PRSS23: variants seen among roughly 807,000 people sequenced by gnomAD.
PRSS23 encodes serine protease 23.
In PRSS23, 25 loss-of-function variants were observed where a neutral mutation model predicts 34.7. That is an observed-to-expected ratio of 0.72 (90% confidence interval 0.53 to 1.01). The LOEUF is 1.01. PRSS23 is among the 50% of genes least tolerant of loss of function. The probability of loss-of-function intolerance (pLI) is 0.00; values close to 1 mark genes in which losing one functional copy is unlikely to be tolerated. For missense variants in PRSS23, 445 were observed against 475.6 expected, an observed-to-expected ratio of 0.94 and a Z score of 0.60; for synonymous variants, 176 against 186.6, an observed-to-expected ratio of 0.94 and a Z score of 0.46.
At chr11:86,839,272 TA>T (rs1259123341) in intron 2 of PRSS23, among the ~76,000 whole-genome samples, 2 of 152,118 alleles carry the variant, frequency 1.3e-5, no homozygotes, top group Non-Finnish European at 2.9e-5. Flanking sequence ...AGTGGCTAAC[TA>T]GAATAAACAG....
At chr11:86,910,902 T>A (rs1447035528) in intron 2 of PRSS23, 1 of 152,194 alleles carries the variant, frequency 6.6e-6, no homozygotes, top group Non-Finnish European at 1.5e-5. Context: ...ATAAGGATAG[T>A]CAATGGCACA....
chr11:86,823,214 T>A (rs2134876270), intron 1 of PRSS23: 1 of 604,610 alleles, frequency 1.7e-6, no homozygotes, highest in Non-Finnish European at 2.9e-6. Flanking sequence ...CTATTTCTTT[T>A]ACTTTAGTAT....
intron 2 of PRSS23, among the ~76,000 whole-genome samples, chr11:86,885,705 A>G (rs1488169427): frequency 6.6e-6 from 1 of 152,186 alleles, no homozygotes; most frequent in Non-Finnish European, 1.5e-5. Context: ...GCCAGGCTTC[A>G]TATTCATAAT....
At chr11:86,939,942 T>G (rs558601688) in intron 2 of PRSS23, among the ~76,000 whole-genome samples, 2 of 152,156 alleles carry the variant, frequency 1.3e-5, no homozygotes, top group South Asian at 4.1e-4. Flanking sequence ...TTCACAGTAG[T>G]TAGCAAAGAA....
chr11:86,917,756 G>C (rs900739341), intron 2 of PRSS23, among the ~76,000 whole-genome samples: 1 of 152,206 alleles, frequency 6.6e-6, no homozygotes, highest in Non-Finnish European at 1.5e-5. Flanking sequence ...CATTAGGGCA[G>C]ATGATTGATC....
intron 2 of PRSS23, among the ~76,000 whole-genome samples, chr11:86,897,943 G>T (rs1948887595): frequency 6.6e-6 from 1 of 152,158 alleles, no homozygotes; most frequent in South Asian, 2.1e-4. Flanking sequence ...CAAATTCCTT[G>T]TCCTCAAGGA....
intron 2 of PRSS23, among the ~76,000 whole-genome samples, chr11:86,886,088 C>T (rs948739): frequency 6.6e-6 from 1 of 152,222 alleles, no homozygotes; most frequent in Non-Finnish European, 1.5e-5. Context: ...AACAGACCAG[C>T]CATGATGGCT....
chr11:86,840,547 TCAA>T (rs1400974164), intron 2 of PRSS23, among the ~76,000 whole-genome samples: 1 of 152,084 alleles, frequency 6.6e-6, no homozygotes. Flanking sequence ...ATTAGACAGA[TCAA>T]CAAGACAGAA....
intron 2 of PRSS23, among the ~76,000 whole-genome samples, chr11:86,893,275 T>C (rs1201807776): frequency 2.0e-5 from 3 of 152,208 alleles, no homozygotes; most frequent in South Asian, 4.1e-4. Flanking sequence ...GAGAATAAAC[T>C]TCTAATGTTC....
At chr11:86,850,276 T>C (rs1207422910) in intron 2 of PRSS23, among the ~76,000 whole-genome samples, 4 of 152,160 alleles carry the variant, frequency 2.6e-5, no homozygotes, top group Non-Finnish European at 5.9e-5. Flanking sequence ...GACCCGTTGG[T>C]CCCTCATTAG....
chr11:86,859,209 G>A (rs908119327), intron 2 of PRSS23, among the ~76,000 whole-genome samples: 1 of 151,892 alleles, frequency 6.6e-6, no homozygotes, highest in Non-Finnish European at 1.5e-5. Flanking sequence ...AGAAGAAGAT[G>A]ATATTACTCA....
intron 2 of PRSS23, among the ~76,000 whole-genome samples, chr11:86,890,022 C>T (rs911152937): frequency 6.6e-6 from 1 of 152,102 alleles, no homozygotes; most frequent in Non-Finnish European, 1.5e-5. Context: ...AGTCCCAGCA[C>T]TTTGGGAAGC....
intron 2 of PRSS23, among the ~76,000 whole-genome samples, chr11:86,938,580 G>A (rs1462137694): frequency 6.6e-6 from 1 of 152,184 alleles, no homozygotes; most frequent in Non-Finnish European, 1.5e-5. Context: ...CTGGAAGAGA[G>A]GGGAAGAGCC....
chr11:86,895,143 A>G (rs1221948409), intron 2 of PRSS23, among the ~76,000 whole-genome samples: 6 of 152,224 alleles, frequency 3.9e-5, no homozygotes, highest in African/African-American at 1.4e-4. Context: ...TTAATCAAAT[A>G]TAAGGATTTA....
chr11:86,905,398 A>G (rs901073067), intron 2 of PRSS23, among the ~76,000 whole-genome samples: 3 of 152,202 alleles, frequency 2.0e-5, no homozygotes, highest in African/African-American at 7.2e-5. Context: ...TGCTCTTCCT[A>G]CGGCACATCA....
At chr11:86,833,911 G>A (rs1948381409) in intron 2 of PRSS23, among the ~76,000 whole-genome samples, 1 of 152,152 alleles carries the variant, frequency 6.6e-6, no homozygotes, top group Non-Finnish European at 1.5e-5. Flanking sequence ...GGGTTGTGCA[G>A]TTGAGATTTC....
intron 2 of PRSS23, among the ~76,000 whole-genome samples, chr11:86,881,915 C>G (rs1183048515): frequency 1.3e-5 from 2 of 152,114 alleles, no homozygotes; most frequent in African/African-American, 2.4e-5. Flanking sequence ...CCCTTGTAAA[C>G]CTTTTTATTT....
chr11:86,928,120 G>A (rs1435554137), intron 2 of PRSS23, among the ~76,000 whole-genome samples: 2 of 148,316 alleles, frequency 1.3e-5, no homozygotes, highest in African/African-American at 4.9e-5. Flanking sequence ...TATATATTAA[G>A]CATATGTATT....
At chr11:86,921,040 T>C (rs1187178851) in intron 2 of PRSS23, among the ~76,000 whole-genome samples, 1 of 152,236 alleles carries the variant, frequency 6.6e-6, no homozygotes, top group African/African-American at 2.4e-5. Flanking sequence ...TGTCTGCTCC[T>C]TCCTGGTCTC....
Sources: allele counts gnomAD v4.1 joint callset (sites outside exome capture counted in the v4.1 genomes callset), GRCh38; gene constraint gnomAD v4.1.1; transcripts MANE v1.5; gene names NCBI Gene and HGNC (gene_info 2026-07-23, HGNC 2026-07-21).